Variants in SLC7A6 observed in about 807,000 individuals in gnomAD.
The protein encoded by SLC7A6 is solute carrier family 7 member 6.
SLC7A6 carries 29 observed loss-of-function variants against 46.6 expected under a neutral mutation model. That is an observed-to-expected ratio of 0.62 (90% CI 0.46 to 0.85). The LOEUF is 0.85. Among genes scored for constraint, SLC7A6 ranks in the 40% least tolerant of loss-of-function variants. The probability of loss-of-function intolerance (pLI) is 0.00; values close to 1 mark genes in which losing one functional copy is unlikely to be tolerated. For missense variants in SLC7A6, 527 were observed against 647.6 expected (o/e 0.81, Z 2.02); for synonymous variants, 276 against 257.3 (o/e 1.07, Z -0.70).
chr16:68,291,099 T>TG, intron 5 of SLC7A6, 110 bp from the exon 6 acceptor site: 1 of 1,410,290 alleles, frequency 7.1e-7, no homozygotes, highest in Non-Finnish European at 1.0e-6. Context: ...CTCAAAGACT[T>TG]GGAGGCTAGT....
chr16:68,281,660 T>G (rs754004562), intron 3 of SLC7A6, among the ~76,000 whole-genome samples: 2 of 152,036 alleles, frequency 1.3e-5, no homozygotes, highest in African/African-American at 2.4e-5. Flanking sequence ...GTACATAGGG[T>G]CTCCTCTTTG....
intron 3 of SLC7A6, chr16:68,284,236 A>C (rs542762220): frequency 1.3e-5 from 2 of 152,240 alleles, no homozygotes; most frequent in South Asian, 4.1e-4. Flanking sequence ...TTTTTAAACA[A>C]ATTCTTTTAA....
chr16:68,294,615 G>A (rs2043125376), intron 7 of SLC7A6, 90 bp from the exon 8 acceptor site: 16 of 910,432 alleles, frequency 1.8e-5, no homozygotes, highest in Non-Finnish European at 2.7e-5. Context: ...TTTCCTCGGG[G>A]GCTCTGAGCT....
At position 68,291,800 on chromosome 16, in the gene SLC7A6, T is replaced by TG. The variant is rs2043058280; in HGVS notation, c.1022+139_1022+140insG. ...GTGTGTGTGTGTGTGTGTGTGTGTG[T>TG]TTGGTATGTGGGCATGTACTTGCCT... On this transcript the variant is annotated intron_variant, in intron 7 of 10. Coordinates refer to ENST00000219343, the MANE Select transcript of SLC7A6 (RefSeq NM_003983.6). 670 of 706,438 alleles carry TG rather than the reference T, an allele frequency of 9.5e-4. 5 individuals are homozygous for TG. Among genetic ancestry groups the TG allele is most frequent in the Middle Eastern group, 6.6e-3 (25 of 3,806 alleles). The allele number at this position is 706,438 out of a possible 1,614,324, so 43.8% of individuals were successfully genotyped here.
intron 8 of SLC7A6, 95 bp from the exon 9 acceptor site, chr16:68,296,269 T>C (rs746669654): frequency 1.3e-5 from 18 of 1,360,800 alleles, no homozygotes; most frequent in Non-Finnish European, 1.8e-5. Context: ...TCTGGTGAAG[T>C]GGCATCAGAT....
intron 2 of SLC7A6, among the ~76,000 whole-genome samples, chr16:68,269,764 A>G (rs1212799920): frequency 6.6e-6 from 1 of 151,886 alleles, no homozygotes; most frequent in Non-Finnish European, 1.5e-5. Context: ...AAAAAAAAAA[A>G]AAAGAAAGAA....
At chr16:68,274,580 G>A (rs1201936840) in intron 2 of SLC7A6, 111 bp from the exon 3 acceptor site, 3 of 845,532 alleles carry the variant, frequency 3.5e-6, no homozygotes, top group Non-Finnish European at 3.7e-6. Context: ...TTGTAGTTAG[G>A]GCTGTGTGCA....
At position 68,295,574 on chromosome 16, in the gene SLC7A6, G is replaced by C. The variant is rs186658341; in HGVS notation, c.1119+773G>C. ...CAAAGTGCTGGGATTATAGGCACAA[G>C]CCACCACGCCCAGCCTTCTCTTCTT... On this transcript the variant is annotated intron_variant, in intron 8 of 10. Transcript: ENST00000219343. 5.3e-5 allele frequency among the ~76,000 whole-genome samples: 8 copies of C among 152,338 alleles called. 1 individual carries two copies. Among genetic ancestry groups the C allele is most frequent in the Admixed American group, 5.2e-4 (8 of 15,304 alleles).
chr16:68,267,003 C>T lies in SLC7A6; in HGVS notation c.-37+282C>T, dbSNP rs551586920. ...AGGCTGGGGTGTGGTGGCGCAATCT[C>T]TGCTCACTGCAACCTCTGCCTCCTG... On this transcript the variant is annotated intron_variant, in intron 2 of 10. Coordinates refer to ENST00000219343, the MANE Select transcript of SLC7A6 (RefSeq NM_003983.6). Among the ~76,000 whole-genome samples, 467 of 151,872 alleles carry T rather than the reference C, an allele frequency of 3.1e-3. 2 individuals are homozygous for T. Among genetic ancestry groups the T allele is most frequent in the Non-Finnish European group, 5.3e-3 (359 of 67,958 alleles).
Position 68,300,510 on chromosome 16 carries a change from T to C in SLC7A6, c.*3182T>C. ...CAGAAGGTACTTTGTTTTTCCTCCC[T>C]TGCCTTAAGTCCTTGGTATTTATAA... is the stretch of plus-strand genomic sequence containing the variant. On this transcript the variant is annotated 3_prime_UTR_variant, in exon 11 of 11. Coordinates refer to ENST00000219343, the MANE Select transcript of SLC7A6 (RefSeq NM_003983.6). 8.9e-6 allele frequency: 6 copies of C among 674,750 alleles called. No individual in the cohort carries two copies. Among genetic ancestry groups the C allele is most frequent in the Non-Finnish European group, 1.1e-5 (6 of 546,128 alleles). The allele number at this position is 674,750 out of a possible 1,614,324, so 41.8% of individuals were successfully genotyped here.
Position 68,297,307 on chromosome 16 carries a change from G to C in SLC7A6, c.1527G>C (p.Lys509Asn). The change falls in exon 11 of 11, where the codon AAG becomes AAC. Residue 509 changes from lysine to asparagine, a missense_variant. Transcript: ENST00000219343. Reference protein sequence around the residue: ...LTELDVAEEKKDERKTD With the variant: ...LTELDVAEEKNDERKTD ...AGCTTGATGTAGCCGAAGAAAAAAAGGATGAGAGGAAAACTGACTAGAGGT... is the reference window on the plus strand; with the variant it reads ...AGCTTGATGTAGCCGAAGAAAAAAACGATGAGAGGAAAACTGACTAGAGGT... 6.2e-7 allele frequency: 1 copy of C among 1,614,176 alleles called. No individual in the cohort carries two copies.
At chr16:68,290,866 C>T (rs988189050) in intron 5 of SLC7A6, 25 of 474,978 alleles carry the variant, frequency 5.3e-5, no homozygotes, top group African/African-American at 2.5e-4. Flanking sequence ...AGAACCAAAA[C>T]TTATTCTGGC....
chr16:68,297,127 A>T, intron 10 of SLC7A6, 107 bp from the exon 11 acceptor site: 1 of 1,012,234 alleles, frequency 9.9e-7, no homozygotes. Flanking sequence ...TAGGGTACTT[A>T]AGGGGCAGGT....
chr16:68,268,139 G>A (rs1170960357), intron 2 of SLC7A6, among the ~76,000 whole-genome samples: 1 of 152,202 alleles, frequency 6.6e-6, no homozygotes, highest in Non-Finnish European at 1.5e-5. Context: ...CAAATTAATT[G>A]AACTGAAAGA....
At chr16:68,269,668 C>T (rs537663002) in intron 2 of SLC7A6, among the ~76,000 whole-genome samples, 1 of 151,744 alleles carries the variant, frequency 6.6e-6, no homozygotes, top group African/African-American at 2.4e-5. Flanking sequence ...GCAGGAGAAT[C>T]CCTCGAACCC....
intron 4 of SLC7A6, among the ~76,000 whole-genome samples, chr16:68,288,690 G>C (rs1197337859): frequency 6.6e-6 from 1 of 152,004 alleles, no homozygotes; most frequent in Non-Finnish European, 1.5e-5. Flanking sequence ...CCTTGGCCCG[G>C]CACGGTGGCT....
rs1384726882 is a variant in SLC7A6 at position 68,275,131 on chromosome 16, T to G, written c.405T>G (p.Val135=). ...FIRLWVSLLV[V]EPTGQAIIAI... is the part of the protein sequence containing the mutation. ...GCCTGTGGGTCTCACTGCTAGTTGT[T>G]GAGCCCACCGGTCAGGCCATCATCG... Residue 135 remains valine, a synonymous_variant, in exon 3 of 11, where the codon GTT becomes GTG. Coordinates refer to ENST00000219343, the MANE Select transcript of SLC7A6 (RefSeq NM_003983.6). The G allele has an allele frequency of 5.0e-6, 8 of 1,614,018 alleles. No homozygotes were observed. The highest frequency in any genetic ancestry group is 6.8e-6 in the Non-Finnish European group (8 of 1,180,028).
In SLC7A6 at chr16:68,297,244, C is replaced by T; in HGVS notation, c.1464C>T (p.Thr488=). 6.2e-7 allele frequency: 1 copy of T among 1,614,006 alleles called. No individual in the cohort carries two copies. Among genetic ancestry groups the T allele is most frequent in the Non-Finnish European group, 8.5e-7 (1 of 1,179,952 alleles). Reference sequence around the variant, plus strand: ...TCTATTTTCATTTAGCTGCTATCACCAGAGGCACCCAGCAGCTTTGCTTTT... The same window carrying T: ...TCTATTTTCATTTAGCTGCTATCACTAGAGGCACCCAGCAGCTTTGCTTTT... ...LFIRNVLAAI[T]RGTQQLCFCV... The change falls in exon 11 of 11, where the codon ACC becomes ACT. Residue 488 remains threonine, a synonymous_variant. Transcript: ENST00000219343.
chr16:68,287,933 C>T (rs9936444), intron 4 of SLC7A6, 62 bp downstream of exon 4: 436 of 1,587,508 alleles, frequency 2.7e-4, no homozygotes, highest in Non-Finnish European at 3.3e-4. Context: ...GAGAACATGG[C>T]GACTCTGTTA....
Sources: gnomAD v4.1 joint callset for allele counts (sites outside exome capture counted in the v4.1 genomes callset) on GRCh38, gnomAD v4.1.1 for gene constraint, MANE v1.5 for transcripts, NCBI Gene and HGNC (gene_info 2026-07-23, HGNC 2026-07-21) for gene names.